PIGN: variants seen among roughly 807,000 people sequenced by gnomAD.
PIGN encodes the protein phosphatidylinositol glycan anchor biosynthesis class N.
Under a neutral mutation model 125.4 loss-of-function variants are expected in PIGN, and 117 were observed. The ratio of observed to expected loss-of-function variants is 0.93; its 90% CI spans 0.80 to 1.09. The LOEUF (loss-of-function observed/expected upper bound fraction) is 1.09. Among genes scored for constraint, PIGN ranks in the 50% least tolerant of loss-of-function variants. The probability of loss-of-function intolerance (pLI) is 0.00; values close to 1 mark genes in which losing one functional copy is unlikely to be tolerated. For missense variants in PIGN, 1,075 were observed against 1,094.9 expected (o/e 0.98, Z 0.26); for synonymous variants, 392 against 377.8 (o/e 1.04, Z -0.44).
Position 62,138,250 on chromosome 18 carries a change from G to A in PIGN, c.1165C>T (p.Pro389Ser). ...KEVTLPFLFT[P>S]FKLLSDSKQF... ...AAAATGTAAGGGACTTACTTAAATG[G>A]TGTAAACAAAAATGGTAAAGTAACT... is the stretch of plus-strand genomic sequence containing the variant. Residue 389 changes from proline (P) to serine (S), a missense_variant, in exon 14 of 31, where the codon CCA becomes TCA. Pro to Ser is a moderately conservative substitution (Grantham distance 74, BLOSUM62 -1). Coordinates refer to ENST00000640252, the MANE Select transcript of PIGN (RefSeq NM_176787.5). 1.9e-6 allele frequency: 3 copies of A among 1,547,292 alleles called. No individual in the cohort carries two copies. Among genetic ancestry groups the A allele is most frequent in the South Asian group, 2.4e-5 (2 of 81,944 alleles).
rs368921294 is a variant in PIGN, at chr18:62,084,585, A to G, written c.2448T>C (p.Tyr816=). ...SINSFDLASV[Y]CFLTVFSPFM... The stretch of plus-strand genomic sequence containing the variant: ...AAGGACTGAACACAGTCAGAAAGCA[A>G]TAGACAGAGGCAAGATCAAAGCTAG... The change falls in exon 27 of 31, where the codon TAT becomes TAC. Residue 816 remains tyrosine, a synonymous_variant. Transcript: ENST00000640252. 244 of 1,557,748 alleles carry G rather than the reference A, an allele frequency of 1.6e-4. No individual in the cohort carries two copies. Among genetic ancestry groups the G allele is most frequent in the Non-Finnish European group, 1.9e-4 (215 of 1,148,962 alleles).
chr18:62,043,936 CT>C lies in PIGN; in HGVS notation c.*1919del, dbSNP rs1228071910. On this transcript the variant is annotated 3_prime_UTR_variant, in exon 31 of 31. Transcript: ENST00000640252. ...GAAATACTTTTTCCCTAACTCGTTT[CT>C]TTTTTCTGTTTTGCAACATAAAAAT... 1 of 152,160 alleles carries C rather than the reference CT, an allele frequency of 6.6e-6. No individual in the cohort carries two copies. The highest frequency in any genetic ancestry group is 2.4e-5 in the African/African-American group (1 of 41,432). The allele number at this position is 152,160 out of a possible 1,614,324, so 9.4% of individuals were successfully genotyped here. A position where few individuals can be genotyped will look rare whatever the true frequency, so the allele number is the denominator to read the frequency against.
rs536963290 is a variant in PIGN at position 62,101,139 on chromosome 18, C to T, written c.2013G>A (p.Gln671=). The T allele has an allele frequency of 3.6e-5, 58 of 1,611,570 alleles. No individual in the cohort carries two copies. In the African/African-American group the frequency reaches 6.3e-4, roughly 17 times the overall value. Residue 671 remains glutamine (Q), a synonymous_variant, in exon 22 of 31, where the codon CAG becomes CAA. Coordinates refer to ENST00000640252, the MANE Select transcript of PIGN (RefSeq NM_176787.5). ...GTCCTTGCTTCCTGAGTAGACTACT[C>T]TGAGTGCTATACACAACATACATGG... ...VLSMYVVYST[Q]SSLLRKQGLP...
intron 2 of PIGN, among the ~76,000 whole-genome samples, chr18:62,163,285 G>A (rs1302167456): frequency 6.6e-6 from 1 of 152,050 alleles, no homozygotes; most frequent in Non-Finnish European, 1.5e-5. Flanking sequence ...AAGGACTACG[G>A]TACACCTAAT....
At chr18:62,136,894 G>A (rs553729522) in intron 14 of PIGN, 1 of 392,038 alleles carries the variant, frequency 2.6e-6, no homozygotes, top group African/African-American at 2.1e-5. Flanking sequence ...ACATCTTCCT[G>A]GACCTGGGAC....
At chr18:62,132,751 T>C (rs1409897234) in intron 14 of PIGN, among the ~76,000 whole-genome samples, 1 of 152,228 alleles carries the variant, frequency 6.6e-6, no homozygotes, top group Non-Finnish European at 1.5e-5. Flanking sequence ...TGTTAAATTT[T>C]ATATTTTATA....
Position 62,113,230 on chromosome 18 carries a change from A to G in PIGN, c.1338T>C (p.Asn446=). The G allele has an allele frequency of 2.5e-6, 4 of 1,612,978 alleles. No individual in the cohort carries two copies. Residue 446 remains asparagine, a synonymous_variant, in exon 16 of 31, where the codon AAT becomes AAC. Transcript: ENST00000640252. ...TCCATCCCACAAAACCAATAACAAC[A>G]TTGACGCCCAAAAAGAATCTGTCAT... The part of the protein sequence containing the change: ...HTYDRFFLGV[N]VVIGFVGWIS...
intron 1 of PIGN, among the ~76,000 whole-genome samples, chr18:62,170,869 T>C (rs1310810905): frequency 6.6e-6 from 1 of 152,220 alleles, no homozygotes; most frequent in Non-Finnish European, 1.5e-5. Context: ...TTAAACAGTC[T>C]TATTGCTGAT....
At chr18:62,184,952 T>C (rs953496379) in intron 1 of PIGN, among the ~76,000 whole-genome samples, 1 of 152,220 alleles carries the variant, frequency 6.6e-6, no homozygotes, top group Non-Finnish European at 1.5e-5. Context: ...GATAGACGAA[T>C]GCAAGTGAGG....
chr18:62,167,215 A>G (rs1259367102), intron 1 of PIGN, among the ~76,000 whole-genome samples: 3 of 148,680 alleles, frequency 2.0e-5, no homozygotes, highest in African/African-American at 4.9e-5. Context: ...CTCTCTATGT[A>G]TATATATAAA....
intron 23 of PIGN, among the ~76,000 whole-genome samples, chr18:62,094,522 C>T (rs1002417787): frequency 1.3e-5 from 2 of 152,094 alleles, no homozygotes; most frequent in African/African-American, 4.8e-5. Context: ...AGATTAAAAA[C>T]TTGTGCATAG....
chr18:62,047,730 A>G (rs1357775983), intron 30 of PIGN, among the ~76,000 whole-genome samples: 2 of 152,162 alleles, frequency 1.3e-5, no homozygotes, highest in Non-Finnish European at 2.9e-5. Context: ...ACAGGTTTAA[A>G]TAAGACTGAG....
intron 23 of PIGN, among the ~76,000 whole-genome samples, chr18:62,094,249 A>C (rs1211632846): frequency 2.0e-5 from 3 of 152,158 alleles, no homozygotes; most frequent in African/African-American, 4.8e-5. Context: ...CTAATCCAGC[A>C]AATCAGATCT....
chr18:62,112,722 A>G (rs2034928711), intron 16 of PIGN: 1 of 176,542 alleles, frequency 5.7e-6, no homozygotes, highest in Admixed American at 6.3e-5. Flanking sequence ...TTATGAGCAA[A>G]TAATTTTATT....
At chr18:62,128,884 G>T (rs2035630279) in intron 14 of PIGN, among the ~76,000 whole-genome samples, 1 of 151,990 alleles carries the variant, frequency 6.6e-6, no homozygotes, top group African/African-American at 2.4e-5. Context: ...CTTCTATTTG[G>T]CTTCAAAATA....
Position 62,101,116 on chromosome 18 carries a change from C to G in PIGN, c.2036G>C (p.Gly679Ala). 1 of 1,611,866 alleles carries G rather than the reference C, an allele frequency of 6.2e-7. No homozygotes were observed. The highest frequency in any genetic ancestry group is 8.5e-7 in the Non-Finnish European group (1 of 1,178,344). The change falls in exon 22 of 31, where the codon GGA becomes GCA. Residue 679 changes from glycine to alanine, a missense_variant. Gly to Ala is a moderately conservative substitution (Grantham distance 60, BLOSUM62 0). Transcript: ENST00000640252. Reference protein sequence around the residue: ...STQSSLLRKQGLPLMNQIISW... With the variant: ...STQSSLLRKQALPLMNQIISW... Reference sequence around the variant, plus strand: ...AATAATTTGATTCATGAGAGGCAGTCCTTGCTTCCTGAGTAGACTACTCTG... The same window carrying G: ...AATAATTTGATTCATGAGAGGCAGTGCTTGCTTCCTGAGTAGACTACTCTG...
chr18:62,053,751 A>G (rs1594487), intron 30 of PIGN, among the ~76,000 whole-genome samples: 88,512 of 152,024 alleles, frequency 0.58, 26,540 homozygotes, highest in East Asian at 0.78. Context: ...TCAAACAACA[A>G]GATTTAATTC....
intron 14 of PIGN, among the ~76,000 whole-genome samples, chr18:62,127,716 GGTA>G (rs2035588510): frequency 6.6e-6 from 1 of 151,914 alleles, no homozygotes; most frequent in East Asian, 1.9e-4. Context: ...TTTGAGACAA[GGTA>G]TTGCTTCTTC....
intron 30 of PIGN, among the ~76,000 whole-genome samples, chr18:62,068,113 T>C (rs1027450544): frequency 6.6e-6 from 1 of 152,116 alleles, no homozygotes; most frequent in Non-Finnish European, 1.5e-5. Flanking sequence ...TTTGTTTGTT[T>C]GTTTTTTTGT....
Sources: gnomAD v4.1 joint callset for allele counts (sites outside exome capture counted in the v4.1 genomes callset) on GRCh38, gnomAD v4.1.1 for gene constraint, MANE v1.5 for transcripts, NCBI Gene and HGNC (gene_info 2026-07-23, HGNC 2026-07-21) for gene names.